Variants in LRRTM4 observed in about 807,000 individuals in gnomAD.
LRRTM4 encodes leucine-rich repeat transmembrane neuronal protein 4.
In LRRTM4, 25 loss-of-function variants were observed where a neutral mutation model predicts 47.6. The ratio of observed to expected loss-of-function variants is 0.53; its 90% confidence interval spans 0.38 to 0.73. The LOEUF is 0.73. Ranked by LOEUF, LRRTM4 falls within the 30% of genes least tolerant of loss-of-function variation. The pLI is 0.00. For synonymous variants in LRRTM4, 311 were observed against 269.5 expected (o/e 1.15, Z -1.51); for missense variants, 638 against 713.4 (o/e 0.89, Z 1.20).
In LRRTM4 at chr2:77,034,056, G is replaced by T. The variant is rs1029828435; in HGVS notation, c.1552-285140C>A. Among the ~76,000 whole-genome samples the T allele has an allele frequency of 3.3e-5, 5 of 151,482 alleles. No homozygotes were observed. The East Asian group carries it at 5.8e-4, about 18-fold the overall frequency. On this transcript the variant is annotated intron_variant, in intron 3 of 3. Coordinates refer to ENST00000409884, the MANE Select transcript of LRRTM4 (RefSeq NM_001134745.3). ...ATTAAATACTGGAAAAAACCATAAA[G>T]GTTCTGTTATGGCAAATAATTATAT...
At position 77,426,817 on chromosome 2, in the gene LRRTM4, ACACACACACACATG is replaced by A. The variant is rs1425291758; in HGVS notation, c.1551+91487_1551+91500del. Among the ~76,000 whole-genome samples, 7 of 146,152 alleles carry A rather than the reference ACACACACACACATG, an allele frequency of 4.8e-5. 1 individual carries two copies. In the East Asian group the frequency reaches 1.4e-3, roughly 29 times the overall value. On this transcript the variant is annotated intron_variant, in intron 3 of 3. Coordinates refer to ENST00000409884, the MANE Select transcript of LRRTM4 (RefSeq NM_001134745.3). The stretch of plus-strand genomic sequence containing the variant: ...CACAGAGGTGTATGCACACACACAC[ACACACACACACATG>A]CACACACACACACACAGAGAGAGAG...
At chr2:77,365,186 G>C (rs1487628370) in intron 3 of LRRTM4, among the ~76,000 whole-genome samples, 1 of 151,932 alleles carries the variant, frequency 6.6e-6, no homozygotes, top group Non-Finnish European at 1.5e-5. Flanking sequence ...AGCCTTAAGT[G>C]GAACAACATT....
chr2:77,014,894 T>C (rs1166915970), intron 3 of LRRTM4, among the ~76,000 whole-genome samples: 1 of 152,194 alleles, frequency 6.6e-6, no homozygotes, highest in Non-Finnish European at 1.5e-5. Flanking sequence ...TTCATTTTTT[T>C]CAAAGAGATT....
chr2:76,932,661 A>G (rs79328532), intron 3 of LRRTM4, among the ~76,000 whole-genome samples: 7,929 of 152,054 alleles, frequency 0.052, 473 homozygotes, highest in East Asian at 0.13. Flanking sequence ...TATTTTCTAA[A>G]TATTTTCTAA....
At position 77,276,509 on chromosome 2, in the gene LRRTM4, T is replaced by C. The variant is rs147613370; in HGVS notation, c.1551+241809A>G. 7.9e-3 allele frequency among the ~76,000 whole-genome samples: 1,177 copies of C among 148,342 alleles called. 9 individuals are homozygous for C. Among genetic ancestry groups the C allele is most frequent in the Non-Finnish European group, 0.013 (852 of 67,548 alleles). ...CAACTATAGTGTGATATATATAATA[T>C]ATATATGTGTGTATATAGATATAGG... On this transcript the variant is annotated intron_variant, in intron 3 of 3. Coordinates refer to ENST00000409884, the MANE Select transcript of LRRTM4 (RefSeq NM_001134745.3).
At chr2:77,217,030 G>A (rs566528500) in intron 3 of LRRTM4, among the ~76,000 whole-genome samples, 157 of 148,676 alleles carry the variant, frequency 1.1e-3, no homozygotes, top group Admixed American at 2.0e-3. Context: ...CCGAGATTGC[G>A]CCACTGCACT....
chr2:76,803,493 G>A (rs867527994), intron 3 of LRRTM4, among the ~76,000 whole-genome samples: 2 of 152,132 alleles, frequency 1.3e-5, no homozygotes, highest in Middle Eastern at 3.2e-3. Flanking sequence ...GTACGCTGTT[G>A]ATGGGAATGT....
In LRRTM4 at chr2:77,069,399, CTATG is replaced by C. The variant is rs1318905260; in HGVS notation, c.1552-320487_1552-320484del. 2.2e-3 allele frequency among the ~76,000 whole-genome samples: 275 copies of C among 123,670 alleles called. 3 individuals are homozygous for C. The highest frequency in any genetic ancestry group is 9.9e-3 in the African/African-American group (255 of 25,698). The allele number at this position is 123,670 out of a possible 152,430, so 81.1% of individuals were successfully genotyped here. ...GGGTCATATGGAACTCTACATTTCA[CTATG>C]TGTGTGTGTGTGTGTGTGTGTGTGT... On this transcript the variant is annotated intron_variant, in intron 3 of 3. Transcript: ENST00000409884.
intron 3 of LRRTM4, among the ~76,000 whole-genome samples, chr2:77,494,838 A>G (rs1678301552): frequency 2.0e-5 from 3 of 152,096 alleles, no homozygotes; most frequent in African/African-American, 7.2e-5. Flanking sequence ...CTAAACTTCT[A>G]TCACAATAAA....
intron 3 of LRRTM4, among the ~76,000 whole-genome samples, chr2:77,008,655 G>A (rs978515038): frequency 6.6e-6 from 1 of 152,040 alleles, no homozygotes; most frequent in Non-Finnish European, 1.5e-5. Flanking sequence ...TTCTTGTTGA[G>A]GTGTGTTTGC....
chr2:76,778,601 G>A (rs1674167806), intron 3 of LRRTM4, among the ~76,000 whole-genome samples: 1 of 152,022 alleles, frequency 6.6e-6, no homozygotes, highest in Admixed American at 6.5e-5. Context: ...GGGATCGGTG[G>A]TGATATCCCC....
intron 3 of LRRTM4, among the ~76,000 whole-genome samples, chr2:77,427,016 T>G (rs1675147400): frequency 6.6e-6 from 1 of 151,488 alleles, no homozygotes; most frequent in African/African-American, 2.4e-5. Flanking sequence ...GTCTTGCTCT[T>G]TTGCCAGACT....
intron 3 of LRRTM4, among the ~76,000 whole-genome samples, chr2:77,080,813 A>G (rs1680504833): frequency 6.6e-6 from 1 of 152,164 alleles, no homozygotes; most frequent in Non-Finnish European, 1.5e-5. Context: ...AACAATGCCT[A>G]TAAAGCCTTC....
intron 3 of LRRTM4, among the ~76,000 whole-genome samples, chr2:77,193,528 G>A (rs947481191): frequency 1.3e-5 from 2 of 149,994 alleles, no homozygotes; most frequent in East Asian, 2.0e-4. Flanking sequence ...AATATTTTTC[G>A]GCCGGGCGTA....
At chr2:76,807,471 CATATAT>C (rs1553412706) in intron 3 of LRRTM4, among the ~76,000 whole-genome samples, 2 of 97,456 alleles carry the variant, frequency 2.1e-5, no homozygotes, top group Admixed American at 1.0e-4. Flanking sequence ...TATATATATA[CATATAT>C]ATATATATAC....
At chr2:77,282,854 T>G (rs1676545081) in intron 3 of LRRTM4, among the ~76,000 whole-genome samples, 1 of 151,946 alleles carries the variant, frequency 6.6e-6, no homozygotes, top group South Asian at 2.1e-4. Context: ...CAAGATGGAT[T>G]AAAGATTTAA....
intron 3 of LRRTM4, among the ~76,000 whole-genome samples, chr2:76,964,897 A>G (rs1675974042): frequency 1.3e-5 from 2 of 150,780 alleles, no homozygotes; most frequent in African/African-American, 4.8e-5. Flanking sequence ...AATAATAACA[A>G]AAGAGTACAA....
At chr2:77,223,679 A>G (rs1285914329) in intron 3 of LRRTM4, among the ~76,000 whole-genome samples, 3 of 152,184 alleles carry the variant, frequency 2.0e-5, no homozygotes, top group African/African-American at 7.2e-5. Context: ...TTCACGGAGA[A>G]CTACAAACCA....
chr2:77,005,823 A>G (rs1677622383), intron 3 of LRRTM4, among the ~76,000 whole-genome samples: 4 of 152,184 alleles, frequency 2.6e-5, no homozygotes, highest in Admixed American at 2.6e-4. Context: ...GTATGTGTTT[A>G]TTAGCAGTGT....
Sources: allele counts gnomAD v4.1 joint callset (sites outside exome capture counted in the v4.1 genomes callset), GRCh38; gene constraint gnomAD v4.1.1; transcripts MANE v1.5; gene names NCBI Gene and HGNC (gene_info 2026-07-23, HGNC 2026-07-21).